RC3H1: variants seen among roughly 807,000 people sequenced by gnomAD.
RC3H1 encodes ring finger and CCCH-type domains 1.
Under a neutral mutation model 138.2 loss-of-function variants are expected in RC3H1, and 50 were observed. The ratio of observed to expected loss-of-function variants is 0.36; its 90% confidence interval spans 0.29 to 0.46. The LOEUF (loss-of-function observed/expected upper bound fraction) is 0.46. RC3H1 is among the 20% of genes least tolerant of loss of function. The pLI is 1.00. For synonymous variants in RC3H1, 462 were observed against 489.1 expected (o/e 0.94, Z 0.73); for missense variants, 1,031 against 1,388.1 (o/e 0.74, Z 4.09).
intron 14 of RC3H1, among the ~76,000 whole-genome samples, chr1:173,948,882 G>A (rs1659255513): frequency 6.6e-6 from 1 of 151,916 alleles, no homozygotes; most frequent in Non-Finnish European, 1.5e-5. Context: ...CACCATGCCT[G>A]GCCCAAACTT....
chr1:173,961,597 TAAA>T (rs911260653), intron 12 of RC3H1, 125 bp downstream of exon 12: 2 of 897,598 alleles, frequency 2.2e-6, no homozygotes, highest in African/African-American at 1.7e-5. Flanking sequence ...TGAAAAGATT[TAAA>T]AAAAAAAGAA....
intron 1 of RC3H1, among the ~76,000 whole-genome samples, chr1:174,016,707 T>G (rs771676609): frequency 4.3e-4 from 65 of 152,038 alleles, no homozygotes; most frequent in Non-Finnish European, 2.9e-4. Flanking sequence ...TAAAGTGACT[T>G]TTGTTTCTCA....
chr1:174,005,898 C>T (rs540774533), intron 1 of RC3H1, among the ~76,000 whole-genome samples: 1 of 152,234 alleles, frequency 6.6e-6, no homozygotes, highest in South Asian at 2.1e-4. Flanking sequence ...TTAGTCCTTA[C>T]TGGTGACAAT....
At chr1:173,957,915 A>G (rs1659715291) in intron 13 of RC3H1, among the ~76,000 whole-genome samples, 1 of 152,164 alleles carries the variant, frequency 6.6e-6, no homozygotes, top group Non-Finnish European at 1.5e-5. Context: ...TGACTTTACT[A>G]ATAACCTACA....
intron 1 of RC3H1, among the ~76,000 whole-genome samples, chr1:174,008,465 GAGA>G (rs1333691388): frequency 6.6e-6 from 1 of 152,046 alleles, no homozygotes; most frequent in Non-Finnish European, 1.5e-5. Flanking sequence ...GAGGAGGAGG[GAGA>G]AGGAGGAAGA....
rs780473769 is a variant in RC3H1, at chr1:173,982,805, C to T, written c.690G>A (p.Leu230=). 6.2e-7 allele frequency: 1 copy of T among 1,613,880 alleles called. No individual in the cohort carries two copies. Among genetic ancestry groups the T allele is most frequent in the South Asian group, 1.1e-5 (1 of 91,072 alleles). Residue 230 remains leucine (L), a synonymous_variant, in exon 5 of 20, where the codon TTG becomes TTA. Transcript: ENST00000367696. ...TAGAGGCTTGAGGAAACCGTGGCTC[C>T]AATCTTTGCACCACAAACAGAACCA... ...KVLVLFVVQR[L]EPRFPQASKT...
At chr1:174,001,949 C>T (rs1447292266) in intron 1 of RC3H1, among the ~76,000 whole-genome samples, 1 of 152,002 alleles carries the variant, frequency 6.6e-6, no homozygotes, top group African/African-American at 2.4e-5. Flanking sequence ...TTTTAGTATA[C>T]ATTGAGCATT....
rs1227557635 is a variant in RC3H1, at chr1:173,932,650, T to C, written c.*6071A>G. On this transcript the variant is annotated 3_prime_UTR_variant, in exon 20 of 20. Transcript: ENST00000367696. ...CTGGAAAAAATAACTCTCAAGACAG[T>C]GTCTTAGTTGAATAGAGGATGTAAA... 1.3e-5 allele frequency: 2 copies of C among 152,026 alleles called. No individual in the cohort carries two copies. Among genetic ancestry groups the C allele is most frequent in the African/African-American group, 4.8e-5 (2 of 41,406 alleles). 9.4% of individuals were successfully genotyped at this position (152,026 alleles called of 1,614,324 possible). A position where few individuals can be genotyped will look rare whatever the true frequency, so the allele number is the denominator to read the frequency against.
At chr1:173,985,843 T>C (rs1661004040) in intron 2 of RC3H1, among the ~76,000 whole-genome samples, 1 of 152,228 alleles carries the variant, frequency 6.6e-6, no homozygotes, top group South Asian at 2.1e-4. Context: ...CTAATGATGT[T>C]GACCATCCTT....
At chr1:173,995,081 A>G (rs1416852848) in intron 1 of RC3H1, among the ~76,000 whole-genome samples, 1 of 152,170 alleles carries the variant, frequency 6.6e-6, no homozygotes, top group African/African-American at 2.4e-5. Context: ...AACCTGACCA[A>G]ATTAGGGTGG....
chr1:174,017,329 T>A (rs570530178), intron 1 of RC3H1, among the ~76,000 whole-genome samples: 2 of 152,248 alleles, frequency 1.3e-5, no homozygotes, highest in Non-Finnish European at 2.9e-5. Context: ...CCCTCTGGGG[T>A]GATCAAAACA....
At chr1:173,955,753 C>G (rs1659617225) in intron 13 of RC3H1, among the ~76,000 whole-genome samples, 1 of 152,050 alleles carries the variant, frequency 6.6e-6, no homozygotes, top group Non-Finnish European at 1.5e-5. Flanking sequence ...TTTATTTAGC[C>G]CACAGGAAGA....
At chr1:174,003,802 C>T (rs767567459) in intron 1 of RC3H1, among the ~76,000 whole-genome samples, 6 of 151,694 alleles carry the variant, frequency 4.0e-5, no homozygotes, top group Non-Finnish European at 8.8e-5. Context: ...GCTGGGTCTA[C>T]AGGCGCCCGC....
chr1:173,942,428 CAAA>C (rs60694243), intron 18 of RC3H1, among the ~76,000 whole-genome samples: 735 of 38,042 alleles, frequency 0.019, 9 homozygotes, highest in African/African-American at 0.092. Flanking sequence ...GACTCAGTCT[CAAA>C]AAAAAAAAAA....
intron 13 of RC3H1, among the ~76,000 whole-genome samples, chr1:173,956,622 G>A (rs1659658492): frequency 6.9e-6 from 1 of 145,794 alleles, no homozygotes; most frequent in Non-Finnish European, 1.5e-5. Context: ...TCGCGCCATT[G>A]CACTCCAGCC....
At chr1:173,972,235 T>A (rs1272537245) in intron 8 of RC3H1, among the ~76,000 whole-genome samples, 5 of 152,302 alleles carry the variant, frequency 3.3e-5, no homozygotes, top group Non-Finnish European at 7.4e-5. Flanking sequence ...ATTTTCTCCA[T>A]CAAATGCTGC....
intron 13 of RC3H1, among the ~76,000 whole-genome samples, chr1:173,957,111 C>G (rs1478184498): frequency 6.6e-6 from 1 of 152,018 alleles, no homozygotes; most frequent in Non-Finnish European, 1.5e-5. Context: ...ATAATCAGAA[C>G]TGAGGTTTAA....
chr1:174,018,314 G>A (rs1050127504), intron 1 of RC3H1, among the ~76,000 whole-genome samples: 2 of 151,884 alleles, frequency 1.3e-5, no homozygotes, highest in African/African-American at 4.8e-5. Flanking sequence ...GCCTCAATCA[G>A]GAAAACAATA....
chr1:173,988,016 C>T (rs776696113), intron 2 of RC3H1, among the ~76,000 whole-genome samples: 1 of 152,192 alleles, frequency 6.6e-6, no homozygotes, highest in Non-Finnish European at 1.5e-5. Context: ...GAGTACACTG[C>T]TTATAGATAA....
Sources: allele counts gnomAD v4.1 joint callset (sites outside exome capture counted in the v4.1 genomes callset), GRCh38; gene constraint gnomAD v4.1.1; transcripts MANE v1.5; gene names NCBI Gene and HGNC (gene_info 2026-07-23, HGNC 2026-07-21).